Variants in NEBL observed in about 807,000 individuals in gnomAD.
The protein encoded by NEBL is LIM and SH3 protein 2.
In NEBL, 122 loss-of-function variants were observed where a neutral mutation model predicts 140.2. That is an observed-to-expected ratio of 0.87 (90% CI 0.75 to 1.01). The LOEUF is 1.01. Ranked by LOEUF, NEBL falls within the 50% of genes least tolerant of loss-of-function variation. NEBL has a pLI of 0.00. For synonymous variants in NEBL, 436 were observed against 398.9 expected (o/e 1.09, Z -1.11); for missense variants, 1,365 against 1,231.3 (o/e 1.11, Z -1.62).
At chr10:21,261,751 T>TA (rs1239894019) in intron 1 of NEBL, among the ~76,000 whole-genome samples, 1 of 152,158 alleles carries the variant, frequency 6.6e-6, no homozygotes, top group African/African-American at 2.4e-5. Context: ...CAATAAAGGA[T>TA]ACTGAGCCTC....
At chr10:21,169,057 A>T (rs1406235616) in intron 2 of NEBL, among the ~76,000 whole-genome samples, 2 of 43,656 alleles carry the variant, frequency 4.6e-5, no homozygotes, top group South Asian at 1.1e-3. Context: ...TACAAAAAAA[A>T]AAAAAAAAAA....
intron 12 of NEBL, among the ~76,000 whole-genome samples, chr10:20,842,427 A>G (rs993162080): frequency 2.6e-5 from 4 of 152,072 alleles, no homozygotes; most frequent in Admixed American, 1.3e-4. Context: ...TACTTTGAAC[A>G]CTCTAATGCA....
rs548318200 is a variant in NEBL, at chr10:21,228,113, G to T, written n.348+19808C>A. Among the ~76,000 whole-genome samples the T allele has an allele frequency of 4.6e-3, 670 of 147,076 alleles. 3 individuals are homozygous for T. The highest frequency in any genetic ancestry group is 0.016 in the African/African-American group (639 of 40,238). ...AAAAAGTTAATCCAAAGTTTTTTGG[G>T]TTTTTTTTTTCGAGTTGTTGTTGTT... On this transcript the variant is annotated intron_variant and non_coding_transcript_variant, in intron 3 of 8. Transcript: ENST00000675702.
rs143784635 is a variant in NEBL at position 21,110,970 on chromosome 10, T to C, written c.164+61413A>G. 1,964 of 389,110 alleles carry C rather than the reference T, an allele frequency of 5.0e-3. 10 individuals are homozygous for C. The highest frequency in any genetic ancestry group is 7.6e-3 in the Admixed American group (226 of 29,646). 24.1% of individuals were successfully genotyped at this position (389,110 alleles called of 1,614,324 possible). A position where few individuals can be genotyped will look rare whatever the true frequency, so the allele number is the denominator to read the frequency against. ...AATAACAGACAAATAGGGAGCCAAATCATGAGTGAACTCCCATTCACAATT... is the reference window on the plus strand; with the variant it reads ...AATAACAGACAAATAGGGAGCCAAACCATGAGTGAACTCCCATTCACAATT... On this transcript the variant is annotated intron_variant, in intron 2 of 6. Transcript: ENST00000417816.
intron 4 of NEBL, among the ~76,000 whole-genome samples, chr10:20,920,148 C>T (rs184929932): frequency 2.6e-5 from 4 of 152,242 alleles, no homozygotes; most frequent in East Asian, 1.9e-4. Context: ...AGTTTAACAA[C>T]GTATTCTGTT....
intron 14 of NEBL, among the ~76,000 whole-genome samples, chr10:20,833,740 A>G (rs1182280556): frequency 2.0e-5 from 3 of 150,992 alleles, no homozygotes; most frequent in Non-Finnish European, 4.4e-5. Flanking sequence ...TGGGCGACAG[A>G]GCGAGACTCC....
intron 26 of NEBL, among the ~76,000 whole-genome samples, chr10:20,790,628 A>C (rs185419915): frequency 1.9e-4 from 29 of 151,950 alleles, no homozygotes; most frequent in African/African-American, 7.0e-4. Context: ...ACAAACAAAC[A>C]AAAAAACAAA....
intron 4 of NEBL, among the ~76,000 whole-genome samples, chr10:20,883,114 G>T (rs1846172962): frequency 6.6e-6 from 1 of 152,160 alleles, no homozygotes; most frequent in Non-Finnish European, 1.5e-5. Flanking sequence ...GCTCACAATG[G>T]TTGGACCATT....
In NEBL at chr10:21,227,735, C is replaced by G. The variant is rs556603358; in HGVS notation, n.348+20186G>C. On this transcript the variant is annotated intron_variant and non_coding_transcript_variant, in intron 3 of 8. Transcript: ENST00000675702. ...CTTTCTTCTTCTTCTTCTTCTTCTTCTTCTTCTTCTTCTTCTTCTTCTTCT... is the reference window on the plus strand; with the variant it reads ...CTTTCTTCTTCTTCTTCTTCTTCTTGTTCTTCTTCTTCTTCTTCTTCTTCT... 3.7e-5 allele frequency among the ~76,000 whole-genome samples: 5 copies of G among 133,872 alleles called. No homozygotes were observed. The East Asian group carries it at 1.0e-3, about 28-fold the overall frequency. 87.8% of individuals were successfully genotyped at this position (133,872 alleles called of 152,430 possible). A position where few individuals can be genotyped will look rare whatever the true frequency, so the allele number is the denominator to read the frequency against.
At chr10:20,936,964 T>G (rs1477607836) in intron 4 of NEBL, among the ~76,000 whole-genome samples, 1 of 152,190 alleles carries the variant, frequency 6.6e-6, no homozygotes, top group East Asian at 1.9e-4. Flanking sequence ...TTTTGCCTGG[T>G]ATTAATCCGC....
At chr10:21,180,850 G>A (rs558678292) in intron 3 of NEBL, among the ~76,000 whole-genome samples, 1 of 152,224 alleles carries the variant, frequency 6.6e-6, no homozygotes, top group African/African-American at 2.4e-5. Context: ...ATCATCATAG[G>A]AGGCAAGAAA....
chr10:20,786,600 C>T (rs563554350), intron 27 of NEBL, among the ~76,000 whole-genome samples: 8 of 152,208 alleles, frequency 5.3e-5, no homozygotes, highest in African/African-American at 1.9e-4. Flanking sequence ...GGCTGGGACC[C>T]AAAGAATTTT....
chr10:21,219,903 T>G (rs1300390360), intron 3 of NEBL, among the ~76,000 whole-genome samples: 1 of 148,690 alleles, frequency 6.7e-6, no homozygotes, highest in African/African-American at 2.5e-5. Context: ...TGTATACAAA[T>G]GCTATTAATT....
chr10:20,867,254 A>G (rs370361923), intron 7 of NEBL, among the ~76,000 whole-genome samples: 1 of 152,064 alleles, frequency 6.6e-6, no homozygotes, highest in African/African-American at 2.4e-5. Context: ...AAGAGTTAAC[A>G]TTTTTTAGGA....
chr10:21,137,303 G>C (rs1302750115), intron 2 of NEBL, among the ~76,000 whole-genome samples: 2 of 152,220 alleles, frequency 1.3e-5, no homozygotes, highest in Non-Finnish European at 2.9e-5. Context: ...ATAAGAGTCT[G>C]TATATAACAA....
At chr10:20,935,939 A>G (rs908671529) in intron 4 of NEBL, among the ~76,000 whole-genome samples, 3 of 152,212 alleles carry the variant, frequency 2.0e-5, no homozygotes, top group African/African-American at 7.2e-5. Context: ...TAAAGATATT[A>G]TATCTAAAAC....
intron 2 of NEBL, among the ~76,000 whole-genome samples, chr10:21,039,419 G>T (rs934814838): frequency 6.6e-6 from 1 of 152,106 alleles, no homozygotes; most frequent in South Asian, 2.1e-4. Flanking sequence ...GTAAGGACGG[G>T]TCCAGTTTCT....
chr10:21,262,721 C>G (rs1842755163), intron 1 of NEBL, among the ~76,000 whole-genome samples: 1 of 152,074 alleles, frequency 6.6e-6, no homozygotes. Context: ...AGGGTCCGGC[C>G]CCAAGGCTGG....
intron 4 of NEBL, among the ~76,000 whole-genome samples, chr10:20,921,748 CAT>C (rs1029481448): frequency 1.1e-3 from 163 of 152,054 alleles, no homozygotes; most frequent in African/African-American, 3.8e-3. Context: ...CATGCACACA[CAT>C]ACACATATCC....
Sources: allele counts gnomAD v4.1 joint callset (sites outside exome capture counted in the v4.1 genomes callset), GRCh38; gene constraint gnomAD v4.1.1; transcripts MANE v1.5; gene names NCBI Gene and HGNC (gene_info 2026-07-23, HGNC 2026-07-21).